Variants in SPRED2 observed in about 807,000 individuals in gnomAD.
SPRED2 encodes the protein sprouty-related, EVH1 domain-containing protein 2.
In SPRED2, 47 loss-of-function variants were observed where a neutral mutation model predicts 43.0. The ratio of observed to expected loss-of-function variants is 1.09; its 90% CI spans 0.87 to 1.40. SPRED2 has a LOEUF of 1.40. Ranked by LOEUF, SPRED2 falls within the 40% of genes most tolerant of loss-of-function variation. SPRED2 has a pLI of 0.00. For synonymous variants in SPRED2, 225 were observed against 225.7 expected (o/e 1.00, Z 0.03); for missense variants, 561 against 586.4 (o/e 0.96, Z 0.45).
chr2:65,397,025 C>CA (rs1277115766), intron 1 of SPRED2, among the ~76,000 whole-genome samples: 1 of 151,868 alleles, frequency 6.6e-6, no homozygotes, highest in African/African-American at 2.4e-5. Flanking sequence ...GGAGGTCTGC[C>CA]ATATGCCAAA....
intron 1 of SPRED2, among the ~76,000 whole-genome samples, chr2:65,425,848 A>G (rs527899502): frequency 6.6e-6 from 1 of 152,380 alleles, no homozygotes; most frequent in Admixed American, 6.5e-5. Flanking sequence ...AACTCGGCCT[A>G]ATTTACCTTA....
In SPRED2 at chr2:65,311,734, G is replaced by T. The variant is rs915789673; in HGVS notation, c.*1767C>A. On this transcript the variant is annotated 3_prime_UTR_variant, in exon 6 of 6. Coordinates refer to ENST00000356388, the MANE Select transcript of SPRED2 (RefSeq NM_181784.3). Reference sequence around the variant, plus strand: ...ACCAGTTACTCCAATGAATGAAGACGTCTACTAACTGACTCATAAGCACAC... The same window carrying T: ...ACCAGTTACTCCAATGAATGAAGACTTCTACTAACTGACTCATAAGCACAC... 1.0e-6 allele frequency: 1 copy of T among 985,380 alleles called. No individual in the cohort carries two copies. Among genetic ancestry groups the T allele is most frequent in the South Asian group, 4.7e-5 (1 of 21,284 alleles). 61.0% of individuals were successfully genotyped at this position (985,380 alleles called of 1,614,324 possible). A position where few individuals can be genotyped will look rare whatever the true frequency, so the allele number is the denominator to read the frequency against.
chr2:65,417,122 G>A (rs1302438225), intron 1 of SPRED2, among the ~76,000 whole-genome samples: 1 of 152,022 alleles, frequency 6.6e-6, no homozygotes, highest in African/African-American at 2.4e-5. Context: ...CCCACCCCAG[G>A]AGACCTGCAT....
At chr2:65,365,933 G>A (rs1301417689) in intron 1 of SPRED2, among the ~76,000 whole-genome samples, 1 of 152,148 alleles carries the variant, frequency 6.6e-6, no homozygotes, top group African/African-American at 2.4e-5. Context: ...TCATGTGAAC[G>A]CTATAATTAA....
intron 1 of SPRED2, among the ~76,000 whole-genome samples, chr2:65,392,784 G>A (rs1675667917): frequency 6.6e-6 from 1 of 152,146 alleles, no homozygotes; most frequent in Non-Finnish European, 1.5e-5. Flanking sequence ...ACAATGAATA[G>A]GATTAATCAG....
chr2:65,428,967 T>A (rs185531579), intron 1 of SPRED2, among the ~76,000 whole-genome samples: 1 of 152,186 alleles, frequency 6.6e-6, no homozygotes, highest in Non-Finnish European at 1.5e-5. Context: ...GTCTGTATAA[T>A]TGTAAATTTT....
chr2:65,366,631 T>A, intron 1 of SPRED2: 1 of 1,552,754 alleles, frequency 6.4e-7, no homozygotes, highest in Non-Finnish European at 8.7e-7. Flanking sequence ...GGAGCCCGAG[T>A]GCTGGGTATT....
At chr2:65,385,908 A>G (rs1430776462) in intron 1 of SPRED2, among the ~76,000 whole-genome samples, 1 of 152,224 alleles carries the variant, frequency 6.6e-6, no homozygotes, top group Non-Finnish European at 1.5e-5. Context: ...ATGTTCAGGT[A>G]AAGTTGATTT....
intron 1 of SPRED2, among the ~76,000 whole-genome samples, chr2:65,414,236 T>G (rs549284896): frequency 1.3e-5 from 2 of 152,384 alleles, no homozygotes; most frequent in South Asian, 4.1e-4. Flanking sequence ...TAATTTCATC[T>G]GCTAAATGCT....
intron 1 of SPRED2, among the ~76,000 whole-genome samples, chr2:65,424,675 T>C (rs1676516230): frequency 6.6e-6 from 1 of 151,854 alleles, no homozygotes. Flanking sequence ...CCATGCCAGG[T>C]GCAGGTGGCT....
At chr2:65,397,094 C>G (rs1334578415) in intron 1 of SPRED2, among the ~76,000 whole-genome samples, 7 of 152,030 alleles carry the variant, frequency 4.6e-5, no homozygotes, top group Admixed American at 4.6e-4. Flanking sequence ...TCAGTCATAG[C>G]CATCAGAAAA....
At chr2:65,366,819 T>A (rs1674993424) in intron 1 of SPRED2, 1 of 1,249,778 alleles carries the variant, frequency 8.0e-7, no homozygotes, top group Admixed American at 4.1e-5. Flanking sequence ...AGGCCTGTTG[T>A]GTCATTACTC....
At chr2:65,378,447 A>T (rs1370784603) in intron 1 of SPRED2, among the ~76,000 whole-genome samples, 1 of 152,206 alleles carries the variant, frequency 6.6e-6, no homozygotes, top group Non-Finnish European at 1.5e-5. Context: ...CCATACAAGA[A>T]AAAGTGTGTG....
chr2:65,376,828 C>G (rs773808559), intron 1 of SPRED2, among the ~76,000 whole-genome samples: 5 of 152,112 alleles, frequency 3.3e-5, no homozygotes, highest in Non-Finnish European at 7.4e-5. Context: ...CATTCTCCTG[C>G]CTCAGCCTCC....
chr2:65,312,651 G>GT lies in SPRED2; in HGVS notation c.*849dup. 1 of 985,826 alleles carries GT rather than the reference G, an allele frequency of 1.0e-6. No individual in the cohort carries two copies. The highest frequency in any genetic ancestry group is 1.7e-5 in the African/African-American group (1 of 57,360). The allele number at this position is 985,826 out of a possible 1,614,324, so 61.1% of individuals were successfully genotyped here. On this transcript the variant is annotated 3_prime_UTR_variant, in exon 6 of 6. Coordinates refer to ENST00000356388, the MANE Select transcript of SPRED2 (RefSeq NM_181784.3). ...GTGGTGGCAACACAATTTAAAAAAT[G>GT]TTCTACTTTAGGGGTAATGGGGAGG...
In SPRED2 at chr2:65,432,036, T is replaced by C. The variant is rs1297303124; in HGVS notation, c.-49A>G. 1 of 1,612,250 alleles carries C rather than the reference T, an allele frequency of 6.2e-7. No individual in the cohort carries two copies. The highest frequency in any genetic ancestry group is 8.5e-7 in the Non-Finnish European group (1 of 1,179,122). Reference sequence around the variant, plus strand: ...TCCCGCGGCGGGCAGCTTTGCTCCCTTCATCTTCCTGTCCGCTCGCCCCCC... The same window carrying C: ...TCCCGCGGCGGGCAGCTTTGCTCCCCTCATCTTCCTGTCCGCTCGCCCCCC... On this transcript the variant is annotated 5_prime_UTR_variant, in exon 1 of 6. Transcript: ENST00000356388.
intron 1 of SPRED2, among the ~76,000 whole-genome samples, chr2:65,411,514 C>G (rs1676158756): frequency 6.6e-6 from 1 of 152,124 alleles, no homozygotes; most frequent in African/African-American, 2.4e-5. Context: ...AAGTAAATGG[C>G]TTGAAGGGAC....
chr2:65,314,568 C>T (rs912085975), intron 5 of SPRED2, among the ~76,000 whole-genome samples: 1 of 152,210 alleles, frequency 6.6e-6, no homozygotes, highest in Non-Finnish European at 1.5e-5. Flanking sequence ...TTCCGCCTCC[C>T]TCAGGGATCT....
intron 1 of SPRED2, among the ~76,000 whole-genome samples, chr2:65,403,897 T>G (rs1675961299): frequency 6.6e-6 from 1 of 152,118 alleles, no homozygotes; most frequent in East Asian, 1.9e-4. Context: ...AGCAGGAGAA[T>G]CAGTTTCCTA....
Sources: allele counts gnomAD v4.1 joint callset (sites outside exome capture counted in the v4.1 genomes callset), GRCh38; gene constraint gnomAD v4.1.1; transcripts MANE v1.5; gene names NCBI Gene and HGNC (gene_info 2026-07-23, HGNC 2026-07-21).